Variants in COPG2 observed in about 807,000 individuals in gnomAD.
The protein encoded by COPG2 is coatomer subunit gamma-2.
In COPG2, 37 loss-of-function variants were observed where a neutral mutation model predicts 46.3. That is an observed-to-expected ratio of 0.80 (90% CI 0.61 to 1.05). COPG2 has a LOEUF of 1.05. Among genes scored for constraint, COPG2 ranks in the 50% least tolerant of loss-of-function variants. The probability of loss-of-function intolerance (pLI) is 0.00; values close to 1 mark genes in which losing one functional copy is unlikely to be tolerated. For synonymous variants in COPG2, 159 were observed against 129.7 expected (o/e 1.23, Z -1.53); for missense variants, 427 against 387.8 (o/e 1.10, Z -0.85).
intron 20 of COPG2, among the ~76,000 whole-genome samples, chr7:130,537,093 G>A (rs925803131): frequency 2.6e-5 from 4 of 152,168 alleles, no homozygotes; most frequent in African/African-American, 7.2e-5. Flanking sequence ...CATTCGTACC[G>A]GGGGGACGAG....
intron 5 of COPG2, among the ~76,000 whole-genome samples, chr7:130,640,077 G>A (rs547961355): frequency 7.4e-4 from 112 of 151,758 alleles, no homozygotes; most frequent in Admixed American, 7.2e-4. Context: ...ACCTCAGGAC[G>A]GGAAAGAAAA....
chr7:130,653,011 G>T, intron 4 of COPG2, 63 bp from the exon 5 acceptor site: 1 of 1,031,210 alleles, frequency 9.7e-7, no homozygotes, highest in Non-Finnish European at 1.5e-6. Flanking sequence ...TAAATTATTT[G>T]AAGTGAGGAC....
intron 9 of COPG2, among the ~76,000 whole-genome samples, chr7:130,593,473 C>G (rs550419304): frequency 6.6e-6 from 1 of 152,278 alleles, no homozygotes; most frequent in Admixed American, 6.5e-5. Context: ...GGAAAATACT[C>G]TTACAGAAAA....
chr7:130,542,828 G>T (rs1793359503), intron 20 of COPG2, among the ~76,000 whole-genome samples: 1 of 152,168 alleles, frequency 6.6e-6, no homozygotes. Flanking sequence ...CTTAGCATCA[G>T]TAAAAGGGCT....
At chr7:130,626,558 T>C (rs2116533714) in intron 5 of COPG2, among the ~76,000 whole-genome samples, 1 of 152,170 alleles carries the variant, frequency 6.6e-6, no homozygotes, top group Middle Eastern at 3.4e-3. Context: ...TAATGAATAC[T>C]CTTAGTCTAT....
chr7:130,607,436 A>G (rs1031699827), intron 9 of COPG2: 1 of 434,366 alleles, frequency 2.3e-6, no homozygotes, highest in Non-Finnish European at 4.6e-6. Context: ...AATTTTTACC[A>G]TCTATTAAAC....
chr7:130,508,816 G>T (rs1409700930), intron 20 of COPG2, among the ~76,000 whole-genome samples, 157 bp from the exon 21 acceptor site: 1 of 152,148 alleles, frequency 6.6e-6, no homozygotes, highest in Non-Finnish European at 1.5e-5. Context: ...CTACAAGCGG[G>T]TCAGGAAGGC....
chr7:130,547,392 G>C (rs1339865571), intron 20 of COPG2: 1 of 309,654 alleles, frequency 3.2e-6, no homozygotes, highest in Admixed American at 5.0e-5. Context: ...CAGAAAGCTT[G>C]AGTTCCTTTT....
chr7:130,569,368 GA>G (rs1187561419), intron 9 of COPG2, among the ~76,000 whole-genome samples: 18 of 152,070 alleles, frequency 1.2e-4, no homozygotes, highest in African/African-American at 4.3e-4. Context: ...AAGGAATCGG[GA>G]GATATTAAAA....
intron 4 of COPG2, among the ~76,000 whole-genome samples, chr7:130,654,574 A>G (rs1456107285): frequency 2.6e-5 from 4 of 152,274 alleles, no homozygotes; most frequent in East Asian, 3.9e-4. Context: ...ATATATACAC[A>G]TATGTTGATA....
chr7:130,543,757 G>C (rs1229572276), intron 20 of COPG2, among the ~76,000 whole-genome samples: 1 of 152,140 alleles, frequency 6.6e-6, no homozygotes, highest in Non-Finnish European at 1.5e-5. Flanking sequence ...AAATGAGTGG[G>C]TACACCATGA....
chr7:130,542,580 T>A (rs1237859564), intron 20 of COPG2, among the ~76,000 whole-genome samples: 1 of 151,776 alleles, frequency 6.6e-6, no homozygotes, highest in East Asian at 1.9e-4. Flanking sequence ...GACTTGGAGG[T>A]GGCAGGGCAT....
chr7:130,631,172 CTTTTTTT>C (rs55966949), intron 5 of COPG2, among the ~76,000 whole-genome samples: 1 of 102,338 alleles, frequency 9.8e-6, no homozygotes, highest in Non-Finnish European at 2.1e-5. Flanking sequence ...TTTTTCTTTT[CTTTTTTT>C]TTTTTTTTTT....
chr7:130,633,268 G>A (rs1204555341), intron 5 of COPG2, among the ~76,000 whole-genome samples: 2 of 152,090 alleles, frequency 1.3e-5, no homozygotes, highest in African/African-American at 4.8e-5. Context: ...CCAGTAATGC[G>A]ATTACTGGCT....
At chr7:130,559,981 GT>G (rs1181199536) in intron 12 of COPG2, among the ~76,000 whole-genome samples, 2 of 152,000 alleles carry the variant, frequency 1.3e-5, no homozygotes, top group Non-Finnish European at 2.9e-5. Flanking sequence ...ACTCTCACCA[GT>G]TCTATTCAAC....
intron 17 of COPG2, among the ~76,000 whole-genome samples, chr7:130,549,932 A>G (rs1468373620): frequency 2.0e-5 from 3 of 152,236 alleles, no homozygotes; most frequent in Admixed American, 1.3e-4. Flanking sequence ...AAATAAAAAT[A>G]GGAGGCGACA....
Position 130,666,879 on chromosome 7 carries a change from A to T in COPG2, c.141T>A (p.Ile47=). 1 of 1,562,254 alleles carries T rather than the reference A, an allele frequency of 6.4e-7. No individual in the cohort carries two copies. Among genetic ancestry groups the T allele is most frequent in the Non-Finnish European group, 8.8e-7 (1 of 1,142,028 alleles). Residue 47 remains isoleucine (I), a synonymous_variant, in exon 3 of 24, where the codon ATT becomes ATA. Transcript: ENST00000425248. ...TPINPRRCLH[I]LTKILYLLNQ... is the part of the protein sequence containing the mutation. ...TCAGTAAGTAAAGAATCTTTGTAAG[A>T]ATATGCAAACATCTTCTTGGATTGA...
chr7:130,658,219 C>T (rs1795894830), intron 4 of COPG2, among the ~76,000 whole-genome samples: 1 of 152,092 alleles, frequency 6.6e-6, no homozygotes, highest in Non-Finnish European at 1.5e-5. Context: ...TAAAAATAAA[C>T]TACTGATACA....
At chr7:130,531,192 G>A (rs1271649769) in intron 20 of COPG2, among the ~76,000 whole-genome samples, 1 of 125,900 alleles carries the variant, frequency 7.9e-6, no homozygotes, top group African/African-American at 3.0e-5. Flanking sequence ...CAGGGTGGGT[G>A]GGGGGTGGGG....
Sources: gnomAD v4.1 joint callset for allele counts (sites outside exome capture counted in the v4.1 genomes callset) on GRCh38, gnomAD v4.1.1 for gene constraint, MANE v1.5 for transcripts, NCBI Gene and HGNC (gene_info 2026-07-23, HGNC 2026-07-21) for gene names.